AQP7B: variants seen among roughly 807,000 people sequenced by gnomAD.
AQP7B encodes the protein putative aquaporin-7B.
chr2:94,597,897 G>T, the AQP7B span, among the ~76,000 whole-genome samples: 1 of 152,074 alleles, frequency 6.6e-6, no homozygotes, highest in Non-Finnish European at 1.5e-5. Flanking sequence ...GAGTCACCGT[G>T]CCCAGCCCAA....
At chr2:94,603,225 A>C in the AQP7B span, 4 of 1,431,886 alleles carry the variant, frequency 2.8e-6, no homozygotes, top group Non-Finnish European at 3.9e-6. Flanking sequence ...CCTCCTATGA[A>C]ATATGGGCAG....
the AQP7B span, among the ~76,000 whole-genome samples, chr2:94,595,799 G>C: frequency 6.6e-6 from 1 of 152,164 alleles, no homozygotes; most frequent in African/African-American, 2.4e-5. Flanking sequence ...GGAGCACGGG[G>C]CCCAGCACAG....
At chr2:94,592,037 G>C in the AQP7B span, among the ~76,000 whole-genome samples, 1 of 152,170 alleles carries the variant, frequency 6.6e-6, no homozygotes, top group Non-Finnish European at 1.5e-5. Flanking sequence ...GAGTTCATTG[G>C]CTGGTTGGTG....
the AQP7B span, chr2:94,604,208 A>T: frequency 7.1e-7 from 1 of 1,404,340 alleles, no homozygotes; most frequent in South Asian, 1.4e-5. Flanking sequence ...TCCTCTGCTC[A>T]ACCAGTCTTC....
chr2:94,590,944 C>CAAAAAAA, the AQP7B span, among the ~76,000 whole-genome samples: 44 of 49,080 alleles, frequency 9.0e-4, 2 homozygotes, highest in African/African-American at 3.7e-3. Context: ...GACCCTGTCT[C>CAAAAAAA]AAAAAAAAAA....
At chr2:94,597,123 T>C in the AQP7B span, among the ~76,000 whole-genome samples, 1 of 152,162 alleles carries the variant, frequency 6.6e-6, no homozygotes, top group Non-Finnish European at 1.5e-5. Context: ...AGCTGCTGTC[T>C]CCTCTCTGCC....
the AQP7B span, among the ~76,000 whole-genome samples, chr2:94,588,717 C>A: frequency 6.7e-6 from 1 of 150,242 alleles, no homozygotes; most frequent in Non-Finnish European, 1.5e-5. Context: ...AAAGCATCTT[C>A]CACCTGTTGC....
At chr2:94,588,490 T>C in the AQP7B span, 2 of 659,102 alleles carry the variant, frequency 3.0e-6, no homozygotes, top group Admixed American at 4.8e-5. Flanking sequence ...TCTCTTTGGC[T>C]CCTCAGCATC....
the AQP7B span, among the ~76,000 whole-genome samples, chr2:94,594,253 G>A: frequency 3.3e-5 from 5 of 152,172 alleles, no homozygotes; most frequent in African/African-American, 7.2e-5. Flanking sequence ...TACAGAGCTC[G>A]GCAGCAGACT....
At chr2:94,591,358 C>T in the AQP7B span, among the ~76,000 whole-genome samples, 11 of 152,198 alleles carry the variant, frequency 7.2e-5, no homozygotes, top group Non-Finnish European at 1.2e-4. Context: ...CTGAGGGCAT[C>T]GCTGAGCTGC....
the AQP7B span, among the ~76,000 whole-genome samples, chr2:94,595,768 A>AAAGCGCC: frequency 1.6e-4 from 24 of 152,294 alleles, 1 homozygote; most frequent in South Asian, 5.0e-3. Context: ...AGATGTGGGC[A>AAAGCGCC]AAGCGCCGAT....
the AQP7B span, chr2:94,603,050 T>C: frequency 2.8e-5 from 44 of 1,597,852 alleles, no homozygotes; most frequent in Admixed American, 1.4e-4. Flanking sequence ...CCCACATGAA[T>C]GCAGCTGTGA....
At chr2:94,592,310 C>T in the AQP7B span, among the ~76,000 whole-genome samples, 6,625 of 152,250 alleles carry the variant, frequency 0.044, 191 homozygotes, top group Non-Finnish European at 0.065. Flanking sequence ...GAATGAGAGA[C>T]GTCCAGGCAT....
At chr2:94,600,130 A>G in the AQP7B span, among the ~76,000 whole-genome samples, 1 of 151,916 alleles carries the variant, frequency 6.6e-6, no homozygotes, top group African/African-American at 2.4e-5. Flanking sequence ...TCGGCCTCCC[A>G]AAGTGCTGGG....
the AQP7B span, among the ~76,000 whole-genome samples, chr2:94,587,633 C>A: frequency 6.6e-6 from 1 of 152,112 alleles, no homozygotes; most frequent in Admixed American, 6.5e-5. Context: ...AGTTTCCTTA[C>A]CTGTAAGTTG....
chr2:94,596,700 T>A, the AQP7B span, among the ~76,000 whole-genome samples: 3 of 152,140 alleles, frequency 2.0e-5, no homozygotes, highest in Non-Finnish European at 4.4e-5. Flanking sequence ...TGTTCACAAA[T>A]TTAGCTTTCT....
At chr2:94,592,811 G>C in the AQP7B span, among the ~76,000 whole-genome samples, 1 of 106,554 alleles carries the variant, frequency 9.4e-6, no homozygotes, top group Non-Finnish European at 1.9e-5. Flanking sequence ...AATTAATTAA[G>C]CTTTTTTTTT....
the AQP7B span, among the ~76,000 whole-genome samples, chr2:94,595,280 C>A: frequency 3.3e-5 from 5 of 151,930 alleles, no homozygotes; most frequent in Non-Finnish European, 7.4e-5. Flanking sequence ...ACTAAAAATA[C>A]AAAAATTAGC....
At chr2:94,599,019 G>T in the AQP7B span, among the ~76,000 whole-genome samples, 3 of 152,100 alleles carry the variant, frequency 2.0e-5, no homozygotes, top group Non-Finnish European at 4.4e-5. Context: ...GGCTAGGCAG[G>T]TCTCGAACTC....
Sources: gnomAD v4.1 joint callset for allele counts (sites outside exome capture counted in the v4.1 genomes callset) on GRCh38, gnomAD v4.1.1 for gene constraint, MANE v1.5 for transcripts, NCBI Gene and HGNC (gene_info 2026-07-23, HGNC 2026-07-21) for gene names.